PKNOX2: variants seen among roughly 807,000 people sequenced by gnomAD.
PKNOX2 encodes the protein homeobox protein PKNOX2.
A neutral mutation model predicts 53.1 loss-of-function variants in PKNOX2; 14 were observed. The ratio of observed to expected loss-of-function variants is 0.26; its 90% confidence interval spans 0.17 to 0.41. The LOEUF (loss-of-function observed/expected upper bound fraction) is 0.41. Among genes scored for constraint, PKNOX2 ranks in the 10% least tolerant of loss-of-function variants. PKNOX2 has a pLI of 1.00. For synonymous variants in PKNOX2, 257 were observed against 242.8 expected (o/e 1.06, Z -0.54); for missense variants, 496 against 602.8 (o/e 0.82, Z 1.85).
chr11:125,400,040 G>T (rs762739556), intron 7 of PKNOX2, among the ~76,000 whole-genome samples: 3 of 152,210 alleles, frequency 2.0e-5, no homozygotes, highest in Non-Finnish European at 4.4e-5. Flanking sequence ...AAAGACAGAA[G>T]AATTTTGATT....
At chr11:125,213,240 T>C (rs1940081201) in intron 1 of PKNOX2, among the ~76,000 whole-genome samples, 1 of 152,104 alleles carries the variant, frequency 6.6e-6, no homozygotes, top group Non-Finnish European at 1.5e-5. Context: ...CTGCCCTTTG[T>C]AGAGAGTGTG....
At chr11:125,275,326 G>A (rs1054646433) in intron 2 of PKNOX2, among the ~76,000 whole-genome samples, 1 of 152,158 alleles carries the variant, frequency 6.6e-6, no homozygotes, top group African/African-American at 2.4e-5. Context: ...CAAGTCTCTG[G>A]GGTGGACCTG....
intron 2 of PKNOX2, among the ~76,000 whole-genome samples, chr11:125,304,049 CAAGGG>C (rs1178864146): frequency 2.0e-5 from 3 of 152,158 alleles, no homozygotes; most frequent in Non-Finnish European, 2.9e-5. Flanking sequence ...CTGGATGTCA[CAAGGG>C]ACGTGGTTGG....
At chr11:125,183,579 T>C (rs1956276249) in intron 1 of PKNOX2, among the ~76,000 whole-genome samples, 1 of 152,144 alleles carries the variant, frequency 6.6e-6, no homozygotes, top group African/African-American at 2.4e-5. Context: ...TAGCACACTC[T>C]CTGAGCCACC....
intron 1 of PKNOX2, among the ~76,000 whole-genome samples, chr11:125,183,277 T>C (rs1275450681): frequency 9.0e-6 from 1 of 111,086 alleles, no homozygotes. Flanking sequence ...ACTGCAGTGG[T>C]GCAATCTCGG....
chr11:125,326,365 C>T (rs1275029687), intron 2 of PKNOX2, among the ~76,000 whole-genome samples: 1 of 152,110 alleles, frequency 6.6e-6, no homozygotes, highest in African/African-American at 2.4e-5. Flanking sequence ...AGGGGGTGTG[C>T]TTGGCTGTGA....
intron 2 of PKNOX2, among the ~76,000 whole-genome samples, chr11:125,237,236 A>G (rs948296777): frequency 1.3e-5 from 2 of 152,208 alleles, no homozygotes; most frequent in Non-Finnish European, 2.9e-5. Context: ...GTGAGCATCT[A>G]AGAGACAGTA....
At chr11:125,410,097 G>T in intron 7 of PKNOX2, 99 bp from the exon 8 acceptor site, 5 of 1,478,944 alleles carry the variant, frequency 3.4e-6, no homozygotes, top group Non-Finnish European at 4.6e-6. Context: ...AGGAGGGAGG[G>T]GGGCAGGCAG....
chr11:125,382,532 G>T (rs767742651), intron 5 of PKNOX2, among the ~76,000 whole-genome samples: 3 of 152,184 alleles, frequency 2.0e-5, no homozygotes, highest in Non-Finnish European at 4.4e-5. Flanking sequence ...TGATCTAGTG[G>T]CTGTTTAAAT....
chr11:125,194,199 A>G (rs948052218), intron 1 of PKNOX2, among the ~76,000 whole-genome samples: 1 of 152,178 alleles, frequency 6.6e-6, no homozygotes, highest in African/African-American at 2.4e-5. Context: ...AGCTCTGCAC[A>G]TGCTTCTCCT....
intron 7 of PKNOX2, among the ~76,000 whole-genome samples, chr11:125,409,362 G>T (rs144097256): frequency 1.3e-5 from 2 of 152,168 alleles, no homozygotes; most frequent in Admixed American, 6.5e-5. Flanking sequence ...AAAGAAAAGC[G>T]GCAAAGGTTC....
intron 6 of PKNOX2, among the ~76,000 whole-genome samples, chr11:125,393,569 G>A (rs1335355047): frequency 6.6e-6 from 1 of 152,106 alleles, no homozygotes; most frequent in Non-Finnish European, 1.5e-5. Flanking sequence ...CATCAGGCGT[G>A]AATTGAGGGC....
intron 5 of PKNOX2, among the ~76,000 whole-genome samples, chr11:125,382,292 A>G (rs1191207348): frequency 6.6e-6 from 1 of 152,220 alleles, no homozygotes; most frequent in Non-Finnish European, 1.5e-5. Flanking sequence ...CAGCCTGCAT[A>G]TAACCTTGGT....
In PKNOX2 at chr11:125,331,042, A is replaced by G. The variant is rs190032449; in HGVS notation, c.-129-777A>G. Among the ~76,000 whole-genome samples the G allele has an allele frequency of 2.2e-5, 3 of 136,296 alleles. No individual in the cohort carries two copies. In the East Asian group the frequency reaches 6.4e-4, roughly 29 times the overall value. 89.4% of individuals were successfully genotyped at this position (136,296 alleles called of 152,430 possible). On this transcript the variant is annotated intron_variant, in intron 2 of 12. Transcript: ENST00000298282. ...CGACCCTGCCATCCTGGCTCCAAGC[A>G]CAGCCTCACTGAAGTCCAATTAGCA...
chr11:125,366,326 GCAAGGGTATTT>G (rs1952189687), intron 4 of PKNOX2, among the ~76,000 whole-genome samples: 1 of 152,204 alleles, frequency 6.6e-6, no homozygotes, highest in Non-Finnish European at 1.5e-5. Flanking sequence ...GCCAACAGTG[GCAAGGGTATTT>G]CTGCCTAATA....
intron 2 of PKNOX2, among the ~76,000 whole-genome samples, chr11:125,293,826 C>T (rs190163523): frequency 1.3e-5 from 2 of 152,168 alleles, no homozygotes; most frequent in Admixed American, 1.3e-4. Flanking sequence ...CACACACTCA[C>T]TCACACTCAC....
chr11:125,354,678 T>A (rs1337512148), intron 4 of PKNOX2, among the ~76,000 whole-genome samples: 2 of 152,268 alleles, frequency 1.3e-5, no homozygotes, highest in Admixed American at 1.3e-4. Context: ...ACCTTCTTTA[T>A]AATAAATTAG....
chr11:125,167,501 C>G (rs1393949382), intron 1 of PKNOX2, among the ~76,000 whole-genome samples: 1 of 152,196 alleles, frequency 6.6e-6, no homozygotes, highest in Non-Finnish European at 1.5e-5. Flanking sequence ...GTCACCGCCT[C>G]CCCTTTGTGA....
intron 2 of PKNOX2, among the ~76,000 whole-genome samples, chr11:125,273,570 G>T (rs1448136916): frequency 6.6e-6 from 1 of 152,174 alleles, no homozygotes; most frequent in African/African-American, 2.4e-5. Flanking sequence ...GGTTTTGTGA[G>T]TTCTATGGTA....
Sources: gnomAD v4.1 joint callset for allele counts (sites outside exome capture counted in the v4.1 genomes callset) on GRCh38, gnomAD v4.1.1 for gene constraint, MANE v1.5 for transcripts, NCBI Gene and HGNC (gene_info 2026-07-23, HGNC 2026-07-21) for gene names.